Variants in CCDC171 observed in about 807,000 individuals in gnomAD.
CCDC171 encodes coiled-coil domain containing 171.
In CCDC171, 177 loss-of-function variants were observed where a neutral mutation model predicts 168.2. The ratio of observed to expected loss-of-function variants is 1.05; its 90% CI spans 0.93 to 1.19. CCDC171 has a LOEUF of 1.19. Among genes scored for constraint, CCDC171 ranks in the 50% most tolerant of loss-of-function variants. The probability of loss-of-function intolerance (pLI) is 0.00; values close to 1 mark genes in which losing one functional copy is unlikely to be tolerated. For missense variants in CCDC171, 1,991 were observed against 1,539.0 expected (o/e 1.29, Z -4.91); for synonymous variants, 687 against 540.8 (o/e 1.27, Z -3.75).
At chr9:15,648,904 G>A (rs1269031831) in intron 7 of CCDC171, among the ~76,000 whole-genome samples, 2 of 152,112 alleles carry the variant, frequency 1.3e-5, no homozygotes, top group Non-Finnish European at 2.9e-5. Flanking sequence ...CTACTTTGAA[G>A]TTCATATGAA....
chr9:15,917,351 C>T (rs1429999065), intron 24 of CCDC171, among the ~76,000 whole-genome samples: 1 of 151,648 alleles, frequency 6.6e-6, no homozygotes, highest in Non-Finnish European at 1.5e-5. Flanking sequence ...GATCATTGTA[C>T]CTTGCTGCTC....
At chr9:16,058,131 A>G (rs930588635) in intron 1 of CCDC171, among the ~76,000 whole-genome samples, 1 of 152,186 alleles carries the variant, frequency 6.6e-6, no homozygotes, top group Non-Finnish European at 1.5e-5. Flanking sequence ...GGACTATCCA[A>G]AAAAATGAAG....
rs184024119 is a variant in CCDC171, at chr9:15,773,499, A to T, written c.2672-4101A>T. Among the ~76,000 whole-genome samples the T allele has an allele frequency of 6.3e-4, 96 of 152,342 alleles. 1 individual carries two copies. Among genetic ancestry groups the T allele is most frequent in the Admixed American group, 1.0e-3 (16 of 15,304 alleles). ...ATTGGAAAAAGTAATTTCAGAATAT[A>T]GGGTTCACTTCTTTCATTAAAGACA... On this transcript the variant is annotated intron_variant, in intron 18 of 25. Transcript: ENST00000380701.
chr9:15,704,031 G>A (rs1031959407), intron 11 of CCDC171, among the ~76,000 whole-genome samples: 1 of 152,150 alleles, frequency 6.6e-6, no homozygotes, highest in Non-Finnish European at 1.5e-5. Flanking sequence ...ACATGCTGTT[G>A]GAAACATGAT....
At chr9:15,640,765 C>G (rs1268803804) in intron 7 of CCDC171, among the ~76,000 whole-genome samples, 3 of 152,064 alleles carry the variant, frequency 2.0e-5, no homozygotes, top group East Asian at 1.9e-4. Context: ...ATATATGACT[C>G]TAGCGATTAA....
Position 15,666,303 on chromosome 9 carries a change from G to C in CCDC171, c.1056G>C (p.Glu352Asp). Residue 352 changes from glutamate to aspartate, a missense_variant, in exon 9 of 26, where the codon GAG becomes GAC. Glu to Asp is a conservative substitution (Grantham distance 45, BLOSUM62 2). Transcript: ENST00000380701. Reference sequence around the variant, plus strand: ...AGCGAGAAAAGCATAATGCACAAGAGAGCTTTGCAAAACTAAATTTGTAAG... The same window carrying C: ...AGCGAGAAAAGCATAATGCACAAGACAGCTTTGCAAAACTAAATTTGTAAG... The part of the protein sequence containing the change: ...AYEREKHNAQ[E>D]SFAKLNLLEK... The C allele has an allele frequency of 6.2e-7, 1 of 1,609,204 alleles. No homozygotes were observed. The highest frequency in any genetic ancestry group is 8.5e-7 in the Non-Finnish European group (1 of 1,178,130).
chr9:15,603,970 T>C (rs556825904), intron 6 of CCDC171, among the ~76,000 whole-genome samples: 25 of 152,314 alleles, frequency 1.6e-4, no homozygotes, highest in African/African-American at 5.5e-4. Context: ...TGGTATCTCA[T>C]TGTGATTTTG....
At chr9:15,700,656 A>T (rs1564241202) in intron 11 of CCDC171, among the ~76,000 whole-genome samples, 1 of 147,618 alleles carries the variant, frequency 6.8e-6, no homozygotes, top group African/African-American at 2.5e-5. Flanking sequence ...TTTATTTTGT[A>T]TTTTTTTTTT....
intron 24 of CCDC171, among the ~76,000 whole-genome samples, chr9:15,893,049 C>G (rs749634596): frequency 1.4e-4 from 21 of 152,086 alleles, no homozygotes; most frequent in Admixed American, 3.3e-4. Flanking sequence ...TACAAGGCTA[C>G]AGTAATCAAA....
At chr9:15,920,156 A>G (rs1825122906) in intron 24 of CCDC171, 114 bp from the exon 25 acceptor site, 2 of 569,700 alleles carry the variant, frequency 3.5e-6, no homozygotes, top group Middle Eastern at 4.4e-4. Flanking sequence ...TTTTAAAGAA[A>G]GATGAAAAGT....
chr9:15,873,644 T>G (rs1472919319), intron 23 of CCDC171, among the ~76,000 whole-genome samples: 1 of 152,122 alleles, frequency 6.6e-6, no homozygotes, highest in African/African-American at 2.4e-5. Flanking sequence ...TGTTCTTAAA[T>G]GCAAACGAAA....
chr9:15,866,158 C>G (rs10810455), intron 23 of CCDC171, among the ~76,000 whole-genome samples: 54,600 of 151,712 alleles, frequency 0.36, 12,280 homozygotes, highest in East Asian at 0.64. Context: ...TTTTGCCATG[C>G]TAAGAGCCTT....
At chr9:15,728,387 T>A (rs1034439205) in intron 15 of CCDC171, among the ~76,000 whole-genome samples, 1 of 152,202 alleles carries the variant, frequency 6.6e-6, no homozygotes, top group Non-Finnish European at 1.5e-5. Flanking sequence ...CAACTCTTTA[T>A]GTTAGCATAA....
At chr9:15,825,088 A>G (rs998066531) in intron 21 of CCDC171, among the ~76,000 whole-genome samples, 1 of 152,128 alleles carries the variant, frequency 6.6e-6, no homozygotes, top group African/African-American at 2.4e-5. Flanking sequence ...AAGAGAGTCA[A>G]CTTCAAATTT....
the CCDC171 span, among the ~76,000 whole-genome samples, chr9:16,087,121 G>A: frequency 6.6e-5 from 10 of 152,066 alleles, no homozygotes; most frequent in African/African-American, 2.4e-4. Context: ...CCATTCTTTT[G>A]CATTTGCTGA....
the CCDC171 span, among the ~76,000 whole-genome samples, chr9:16,087,427 A>G: frequency 6.6e-6 from 1 of 152,024 alleles, no homozygotes; most frequent in African/African-American, 2.4e-5. Context: ...ATTGGCTGCA[A>G]ATATATTTAG....
At chr9:15,847,516 A>G (rs2060950400) in intron 22 of CCDC171, among the ~76,000 whole-genome samples, 1 of 151,986 alleles carries the variant, frequency 6.6e-6, no homozygotes, top group Non-Finnish European at 1.5e-5. Context: ...GGGCATTTTT[A>G]TTTGTTCCTC....
chr9:16,011,405 T>C (rs1426655624), intron 3 of CCDC171, among the ~76,000 whole-genome samples: 2 of 29,814 alleles, frequency 6.7e-5, no homozygotes, highest in Non-Finnish European at 2.0e-4. Flanking sequence ...AAAAATGCTG[T>C]TTTTTACTTT....
intron 16 of CCDC171, among the ~76,000 whole-genome samples, chr9:15,735,590 A>T (rs1022238656): frequency 6.6e-6 from 1 of 152,190 alleles, no homozygotes; most frequent in East Asian, 1.9e-4. Flanking sequence ...ATTGCATTTT[A>T]TTCTTCTTTT....
Sources: allele counts gnomAD v4.1 joint callset (sites outside exome capture counted in the v4.1 genomes callset), GRCh38; gene constraint gnomAD v4.1.1; transcripts MANE v1.5; gene names NCBI Gene and HGNC (gene_info 2026-07-23, HGNC 2026-07-21).